The following GRSF1 variants were observed in gnomAD, a reference collection of about 807,000 sequenced individuals.
GRSF1 encodes G-rich RNA sequence binding factor 1.
Under a neutral mutation model 51.1 loss-of-function variants are expected in GRSF1, and 50 were observed. The ratio of observed to expected loss-of-function variants is 0.98; its 90% CI spans 0.78 to 1.24. GRSF1 has a LOEUF of 1.24. GRSF1 is among the 50% of genes most tolerant of loss of function. The pLI, the probability that GRSF1 is intolerant of heterozygous loss-of-function variation, is 0.00. For synonymous variants in GRSF1, 293 were observed against 253.3 expected, an observed-to-expected ratio of 1.16 and a Z score of -1.49; for missense variants, 700 against 639.7, an observed-to-expected ratio of 1.09 and a Z score of -1.02.
chr4:70,823,858 C>G (rs1733621263), intron 9 of GRSF1, among the ~76,000 whole-genome samples: 1 of 151,906 alleles, frequency 6.6e-6, no homozygotes, highest in South Asian at 2.1e-4. Flanking sequence ...AGAGCAAGAC[C>G]TAGTCCCTAA....
At chr4:70,838,784 C>G (rs572264340) in intron 1 of GRSF1, 1 of 181,280 alleles carries the variant, frequency 5.5e-6, no homozygotes, top group Admixed American at 6.3e-5. Context: ...CAACCCTCAA[C>G]GCTCCCTCCC....
intron 1 of GRSF1, among the ~76,000 whole-genome samples, chr4:70,837,428 G>T (rs984399351): frequency 1.3e-5 from 2 of 151,892 alleles, no homozygotes; most frequent in East Asian, 3.9e-4. Flanking sequence ...GCCGGGTGTG[G>T]TGGCGTGTGC....
Position 70,825,396 on chromosome 4 carries a change from C to G in GRSF1, c.1293G>C (p.Met431Ile). The G allele has an allele frequency of 6.2e-7, 1 of 1,611,752 alleles. No individual in the cohort carries two copies. Among genetic ancestry groups the G allele is most frequent in the Non-Finnish European group, 8.5e-7 (1 of 1,178,562 alleles). Residue 431 changes from methionine (M) to isoleucine (I), a missense_variant, in exon 8 of 10, where the codon ATG (methionine) becomes ATC (isoleucine). Met to Ile is a conservative substitution (Grantham distance 10). Coordinates refer to ENST00000254799, the MANE Select transcript of GRSF1 (RefSeq NM_002092.4). The stretch of plus-strand genomic sequence containing the variant: ...TGGCCTTCCCACTGGAGCTGTATTC[C>G]ATGGTGATTCTAACAGGCTTGAGTG... ...FAPLKPVRIT[M>I]EYSSSGKATG...
Position 70,825,350 on chromosome 4 carries a change from A to C in GRSF1, c.1339T>G (p.Phe447Val). The C allele has an allele frequency of 2.5e-6, 4 of 1,612,186 alleles. No homozygotes were observed. The highest frequency in any genetic ancestry group is 3.4e-6 in the Non-Finnish European group (4 of 1,178,578). ...GKATGEADVH[F>V]ETHEDAVAAM... The stretch of plus-strand genomic sequence containing the variant: ...GCAACAGCATCCTCATGGGTCTCAA[A>C]GTGCACATCAGCTTCTCCAGTGGCC... Residue 447 changes from phenylalanine (F) to valine (V), a missense_variant, in exon 8 of 10, where the codon TTT becomes GTT. Physicochemically the swap from Phe to Val is conservative, Grantham distance 50. Coordinates refer to ENST00000254799, the MANE Select transcript of GRSF1 (RefSeq NM_002092.4).
upstream of GRSF1, chr4:70,839,923 C>T (rs1734403572): frequency 8.6e-7 from 1 of 1,162,308 alleles, no homozygotes; most frequent in Non-Finnish European, 1.1e-6. Context: ...TGGGGTGTGC[C>T]TGGCACATGC....
chr4:70,839,412 G>A (rs533420577), intron 1 of GRSF1, 59 bp downstream of exon 1: 1 of 1,508,100 alleles, frequency 6.6e-7, no homozygotes, highest in Non-Finnish European at 8.8e-7. Context: ...GGGGCGCGGG[G>A]GCGCGTGCAC....
chr4:70,823,481 CTTTTT>C (rs58887177), intron 9 of GRSF1, among the ~76,000 whole-genome samples: 1 of 135,930 alleles, frequency 7.4e-6, no homozygotes. Flanking sequence ...GCAGAATTTT[CTTTTT>C]TTTTTTTTGC....
chr4:70,827,761 G>A (rs1483664382), intron 6 of GRSF1, 91 bp downstream of exon 6: 7 of 875,148 alleles, frequency 8.0e-6, no homozygotes, highest in Admixed American at 7.1e-5. Context: ...CCTGGCAACA[G>A]AGCGAGACTT....
chr4:70,837,232 A>C (rs1461359529), intron 1 of GRSF1, among the ~76,000 whole-genome samples: 1 of 152,220 alleles, frequency 6.6e-6, no homozygotes, highest in Admixed American at 6.5e-5. Context: ...ACGAAGCACT[A>C]CAACCATAAC....
chr4:70,820,799 A>G lies in GRSF1; in HGVS notation c.*88T>C, dbSNP rs946023435. On this transcript the variant is annotated 3_prime_UTR_variant, in exon 10 of 10. Coordinates refer to ENST00000254799, the MANE Select transcript of GRSF1 (RefSeq NM_002092.4). ...CATTTCCCTAGCAGTTGCTGCTAATAAACTGGAACTGTATATCCCAAGTCC... is the reference window on the plus strand; with the variant it reads ...CATTTCCCTAGCAGTTGCTGCTAATGAACTGGAACTGTATATCCCAAGTCC... 1.3e-5 allele frequency: 2 copies of G among 152,692 alleles called. No individual in the cohort carries two copies. The highest frequency in any genetic ancestry group is 4.8e-5 in the African/African-American group (2 of 41,468). The allele number at this position is 152,692 out of a possible 1,614,324, so 9.5% of individuals were successfully genotyped here.
chr4:70,828,077 G>A, intron 5 of GRSF1, 41 bp from the exon 6 acceptor site: 2 of 1,416,542 alleles, frequency 1.4e-6, no homozygotes, highest in Non-Finnish European at 2.0e-6. Flanking sequence ...ATGGTGCAAA[G>A]TAACTTTATA....
At chr4:70,824,846 T>C (rs371425532) in intron 8 of GRSF1, among the ~76,000 whole-genome samples, 20 of 152,180 alleles carry the variant, frequency 1.3e-4, no homozygotes, top group East Asian at 1.2e-3. Flanking sequence ...CTCATGCCTG[T>C]AATCCCGGCA....
rs1443316264 is a variant in GRSF1, at chr4:70,839,416, C to G, written c.357+55G>C. ...GGAGGGACGGAGGGGCGCGGGGGCG[C>G]GTGCACGCGGCCCGGGAGGGATCTC... On this transcript the variant is annotated intron_variant, in intron 1 of 9. Coordinates refer to ENST00000254799, the MANE Select transcript of GRSF1 (RefSeq NM_002092.4). 3.3e-6 allele frequency: 5 copies of G among 1,500,530 alleles called. No individual in the cohort carries two copies. The East Asian group carries it at 1.3e-4, about 39-fold the overall frequency. The allele number at this position is 1,500,530 out of a possible 1,614,324, so 93.0% of individuals were successfully genotyped here.
rs1369971458 is a variant in GRSF1 at position 70,816,247 on chromosome 4, G to C, written c.*4640C>G. 1.3e-5 allele frequency: 2 copies of C among 148,410 alleles called. No individual in the cohort carries two copies. Among genetic ancestry groups the C allele is most frequent in the Admixed American group, 6.7e-5 (1 of 14,854 alleles). 9.2% of individuals were successfully genotyped at this position (148,410 alleles called of 1,614,324 possible). On this transcript the variant is annotated 3_prime_UTR_variant, in exon 10 of 10. Coordinates refer to ENST00000254799, the MANE Select transcript of GRSF1 (RefSeq NM_002092.4). ...CACCTGTAATCCCAGCTACTCGGGAGGCTGAGGCAGGAGACTCCCTTGAAC... is the reference window on the plus strand; with the variant it reads ...CACCTGTAATCCCAGCTACTCGGGACGCTGAGGCAGGAGACTCCCTTGAAC...
At chr4:70,832,760 C>G (rs1160584585) in intron 3 of GRSF1, among the ~76,000 whole-genome samples, 1 of 152,136 alleles carries the variant, frequency 6.6e-6, no homozygotes, top group Non-Finnish European at 1.5e-5. Flanking sequence ...CCAGCCTGAC[C>G]AATATGGTAA....
chr4:70,827,919 G>A lies in GRSF1; in HGVS notation c.1068C>T (p.Val356=). 1 of 1,613,140 alleles carries A rather than the reference G, an allele frequency of 6.2e-7. No individual in the cohort carries two copies. Among genetic ancestry groups the A allele is most frequent in the Non-Finnish European group, 8.5e-7 (1 of 1,179,308 alleles). ...CCTCATTTACTTCATGTTCTTCAAA[G>A]ACCATTTCTGGCTCAGTTATATACT... The part of the protein sequence containing the change: ...TAKYITEPEM[V]FEEHEVNEDI... Residue 356 remains valine, a synonymous_variant, in exon 6 of 10, where the codon GTC becomes GTT. Transcript: ENST00000254799.
intron 4 of GRSF1, among the ~76,000 whole-genome samples, 173 bp from the exon 5 acceptor site, chr4:70,831,847 CT>C (rs1251326486): frequency 6.6e-6 from 1 of 151,220 alleles, no homozygotes; most frequent in African/African-American, 2.4e-5. Flanking sequence ...CACCTACATA[CT>C]TGTATTTCCA....
At position 70,829,184 on chromosome 4, in the gene GRSF1, C is replaced by T. The variant is rs535150594; in HGVS notation, c.951-1148G>A. On this transcript the variant is annotated intron_variant, in intron 5 of 9. Transcript: ENST00000254799. ...GGGATTATAGGCATGGGCCACCGCG[C>T]CCAGCACAGTTTCCTTTTTCTTAAC... Among the ~76,000 whole-genome samples the T allele has an allele frequency of 1.0e-3, 156 of 152,298 alleles. 1 individual carries two copies. Among genetic ancestry groups the T allele is most frequent in the African/African-American group, 3.7e-3 (154 of 41,570 alleles).
chr4:70,822,473 C>G (rs1291763181), intron 9 of GRSF1, among the ~76,000 whole-genome samples: 1 of 151,436 alleles, frequency 6.6e-6, no homozygotes, highest in African/African-American at 2.4e-5. Context: ...ATCCTAGCTA[C>G]TTGGGAGGCT....
Sources: allele counts gnomAD v4.1 joint callset (sites outside exome capture counted in the v4.1 genomes callset), GRCh38; gene constraint gnomAD v4.1.1; transcripts MANE v1.5; gene names NCBI Gene and HGNC (gene_info 2026-07-23, HGNC 2026-07-21).